SENP6: variants seen among roughly 807,000 people sequenced by gnomAD.
The protein encoded by SENP6 is sentrin-specific protease 6.
A neutral mutation model predicts 134.5 loss-of-function variants in SENP6; 41 were observed. The observed-to-expected ratio is 0.30, with a 90% CI of 0.24 to 0.40. SENP6 has a LOEUF of 0.40. Ranked by LOEUF, SENP6 falls within the 10% of genes least tolerant of loss-of-function variation. The pLI is 1.00. For missense variants in SENP6, 1,248 were observed against 1,312.5 expected, an observed-to-expected ratio of 0.95 and a Z score of 0.76; for synonymous variants, 395 against 429.8, an observed-to-expected ratio of 0.92 and a Z score of 1.00.
rs545299583 is a variant in SENP6 at position 75,602,872 on chromosome 6, T to A, written c.52+296T>A. Among the ~76,000 whole-genome samples the A allele has an allele frequency of 2.0e-5, 3 of 152,224 alleles. No homozygotes were observed. The South Asian group carries it at 6.2e-4, about 32-fold the overall frequency. On this transcript the variant is annotated intron_variant, in intron 1 of 23. Transcript: ENST00000447266. ...GCTGAAGTCTTTGACATTTAAAAAA[T>A]TTTGGGGTGGTGGCCTAAGGATGAG...
Position 75,678,588 on chromosome 6 carries a change from A to G in SENP6, c.1854A>G (p.Ser618=). 1 of 1,451,870 alleles carries G rather than the reference A, an allele frequency of 6.9e-7. No individual in the cohort carries two copies. The highest frequency in any genetic ancestry group is 9.6e-7 in the Non-Finnish European group (1 of 1,046,280). 89.9% of individuals were successfully genotyped at this position (1,451,870 alleles called of 1,614,324 possible). ...AATTTAATTTCCTTTACCAGGTATC[A>G]TTTGAATCTAAAATACAACTTAGAA... The part of the protein sequence containing the change: ...GQKENKIKTV[S]FESKIQLRSK... The change falls in exon 15 of 24, where the codon TCA becomes TCG. Residue 618 remains serine, a synonymous_variant. Transcript: ENST00000447266.
intron 1 of SENP6, among the ~76,000 whole-genome samples, chr6:75,605,361 G>T (rs915114088): frequency 1.3e-5 from 2 of 152,156 alleles, no homozygotes; most frequent in Non-Finnish European, 1.5e-5. Flanking sequence ...TTCTGTGAAA[G>T]CATATCTCTG....
At chr6:75,621,468 C>A in intron 1 of SENP6, 64 bp from the exon 2 acceptor site, 1 of 956,170 alleles carries the variant, frequency 1.0e-6, no homozygotes, top group Non-Finnish European at 1.6e-6. Flanking sequence ...GGGAAATGCA[C>A]ATATTTGTTT....
At chr6:75,655,474 C>T (rs1175001600) in intron 7 of SENP6, among the ~76,000 whole-genome samples, 3 of 152,180 alleles carry the variant, frequency 2.0e-5, no homozygotes. Flanking sequence ...CCTCTTCCCC[C>T]TCAAATGTAA....
chr6:75,619,961 C>T (rs990096846), intron 1 of SENP6, among the ~76,000 whole-genome samples: 4 of 151,628 alleles, frequency 2.6e-5, no homozygotes, highest in African/African-American at 9.7e-5. Context: ...AGCATGGTGG[C>T]ATGTGTCTGT....
chr6:75,621,860 C>A (rs553322314), intron 2 of SENP6, among the ~76,000 whole-genome samples: 1 of 152,032 alleles, frequency 6.6e-6, no homozygotes, highest in Non-Finnish European at 1.5e-5. Flanking sequence ...TGTAACCTTA[C>A]AATTAAAAAT....
intron 3 of SENP6, among the ~76,000 whole-genome samples, chr6:75,630,872 A>G (rs1769060404): frequency 6.6e-6 from 1 of 151,956 alleles, no homozygotes; most frequent in South Asian, 2.1e-4. Context: ...CGTAACCTAT[A>G]TTTTATGTTT....
At chr6:75,694,793 C>G (rs1001103007) in intron 16 of SENP6, among the ~76,000 whole-genome samples, 2 of 151,952 alleles carry the variant, frequency 1.3e-5, no homozygotes, top group African/African-American at 4.8e-5. Context: ...TAGCATTTTT[C>G]TTATGCTTTT....
chr6:75,620,252 C>G (rs1471710721), intron 1 of SENP6, among the ~76,000 whole-genome samples: 1 of 151,984 alleles, frequency 6.6e-6, no homozygotes, highest in Non-Finnish European at 1.5e-5. Flanking sequence ...TGTGAAAATT[C>G]TGGCTACAAA....
intron 1 of SENP6, among the ~76,000 whole-genome samples, chr6:75,617,315 C>A (rs538553029): frequency 2.4e-4 from 31 of 126,642 alleles, no homozygotes; most frequent in Non-Finnish European, 4.4e-4. Context: ...CTCTTGTTGC[C>A]CAGGCTGGAG....
intron 18 of SENP6, among the ~76,000 whole-genome samples, 200 bp from the exon 19 acceptor site, chr6:75,702,445 T>G (rs1775101283): frequency 6.6e-6 from 1 of 152,126 alleles, no homozygotes; most frequent in South Asian, 2.1e-4. Context: ...CTCGAACTGC[T>G]GACCTCAGGT....
chr6:75,640,547 T>TTA (rs1005034209), intron 5 of SENP6, 137 bp from the exon 6 acceptor site: 14 of 363,702 alleles, frequency 3.8e-5, no homozygotes, highest in Middle Eastern at 7.8e-4. Flanking sequence ...ACATAGTATA[T>TTA]TATATATATA....
At chr6:75,704,578 G>A (rs1171335232) in intron 19 of SENP6, among the ~76,000 whole-genome samples, 1 of 152,240 alleles carries the variant, frequency 6.6e-6, no homozygotes, top group Non-Finnish European at 1.5e-5. Context: ...CCCAGGAGCA[G>A]GCAGGAGACA....
intron 7 of SENP6, among the ~76,000 whole-genome samples, chr6:75,654,376 A>G (rs1273507239): frequency 2.0e-5 from 3 of 152,244 alleles, no homozygotes; most frequent in African/African-American, 4.8e-5. Context: ...TCTTATTTGA[A>G]CAAATAATGT....
At chr6:75,670,748 A>G (rs1772609766) in intron 11 of SENP6, 28 bp downstream of exon 11, 1 of 1,336,982 alleles carries the variant, frequency 7.5e-7, no homozygotes, top group Non-Finnish European at 9.9e-7. Flanking sequence ...TCTTTACTAT[A>G]CCAATTATAA....
chr6:75,699,215 A>G (rs1034911751), intron 18 of SENP6, among the ~76,000 whole-genome samples: 1 of 149,968 alleles, frequency 6.7e-6, no homozygotes, highest in Non-Finnish European at 1.5e-5. Flanking sequence ...CCTCTTAGTC[A>G]CTATACCTCT....
chr6:75,677,070 C>A lies in SENP6; in HGVS notation c.1662C>A (p.Gly554=). 6.3e-7 allele frequency: 1 copy of A among 1,591,794 alleles called. No homozygotes were observed. The highest frequency in any genetic ancestry group is 8.6e-7 in the Non-Finnish European group (1 of 1,161,596). Reference sequence around the variant, plus strand: ...ATATAATTTTAATTTTTCAAAATGGCCTTGATCCTCCGGCAAATATGGTAT... The same window carrying A: ...ATATAATTTTAATTTTTCAAAATGGACTTGATCCTCCGGCAAATATGGTAT... ...EQYIILIFQN[G]LDPPANMVFE... The change falls in exon 14 of 24, where the codon GGC becomes GGA. Residue 554 remains glycine (G), a synonymous_variant. Coordinates refer to ENST00000447266, the MANE Select transcript of SENP6 (RefSeq NM_015571.4).
At chr6:75,663,099 A>T in intron 8 of SENP6, 122 bp from the exon 9 acceptor site, 3 of 962,280 alleles carry the variant, frequency 3.1e-6, no homozygotes, top group Non-Finnish European at 4.6e-6. Flanking sequence ...AAAATGCCAA[A>T]ATCTTTTATT....
At chr6:75,602,914 A>G (rs1766745695) in intron 1 of SENP6, among the ~76,000 whole-genome samples, 1 of 152,322 alleles carries the variant, frequency 6.6e-6, no homozygotes, top group African/African-American at 2.4e-5. Context: ...CAGCATTCAC[A>G]TCTTGTCTGG....
Sources: allele counts gnomAD v4.1 joint callset (sites outside exome capture counted in the v4.1 genomes callset), GRCh38; gene constraint gnomAD v4.1.1; transcripts MANE v1.5; gene names NCBI Gene and HGNC (gene_info 2026-07-23, HGNC 2026-07-21).